KIF4A: variants seen among roughly 807,000 people sequenced by gnomAD.
The protein encoded by KIF4A is chromosome-associated kinesin KIF4A.
Under a neutral mutation model 105.9 loss-of-function variants are expected in KIF4A, and 7 were observed. That is an observed-to-expected ratio of 0.07 (90% confidence interval 0.04 to 0.12). KIF4A has a LOEUF of 0.12. KIF4A is among the 10% of genes least tolerant of loss of function. The pLI, the probability that KIF4A is intolerant of heterozygous loss-of-function variation, is 1.00. For synonymous variants in KIF4A, 281 were observed against 331.3 expected (o/e 0.85, Z 1.65); for missense variants, 558 against 929.2 (o/e 0.60, Z 5.19).
In KIF4A at chrX:70,324,122, C is replaced by A. The variant is rs185437350; in HGVS notation, c.779-5283C>A. On this transcript the variant is annotated intron_variant, in intron 7 of 30. Transcript: ENST00000374403. Reference sequence around the variant, plus strand: ...TACAGGCATGAGCCACCATACCCGACCAATATTTATATTCTTAATATAAGA... The same window carrying A: ...TACAGGCATGAGCCACCATACCCGAACAATATTTATATTCTTAATATAAGA... Among the ~76,000 whole-genome samples the A allele has an allele frequency of 2.5e-4, 28 of 111,903 alleles. No homozygotes were observed. The East Asian group carries it at 7.6e-3, about 30-fold the overall frequency.
chrX:70,384,877 C>A (rs2086211872), intron 18 of KIF4A, among the ~76,000 whole-genome samples: 2 of 106,450 alleles, frequency 1.9e-5, no homozygotes, highest in South Asian at 8.7e-4. Flanking sequence ...AGTACAATGG[C>A]ACCATCTTGG....
intron 13 of KIF4A, among the ~76,000 whole-genome samples, chrX:70,348,548 G>A (rs1244976076): frequency 9.0e-6 from 1 of 110,800 alleles, no homozygotes; most frequent in African/African-American, 3.3e-5. Context: ...AGGGAGTGAT[G>A]ATGACTCTTA....
intron 15 of KIF4A, among the ~76,000 whole-genome samples, chrX:70,366,045 T>C (rs2147713763): frequency 8.9e-6 from 1 of 111,889 alleles, no homozygotes; most frequent in South Asian, 3.7e-4. Flanking sequence ...GTGTTTATAG[T>C]ATTCTCTGAT....
At chrX:70,397,081 A>T (rs2086262200) in intron 22 of KIF4A, among the ~76,000 whole-genome samples, 1 of 106,660 alleles carries the variant, frequency 9.4e-6, no homozygotes, top group East Asian at 3.1e-4. Flanking sequence ...TCAAAAAAGT[A>T]AAAAAATGGC....
intron 5 of KIF4A, among the ~76,000 whole-genome samples, chrX:70,301,242 A>C (rs2085803353): frequency 8.9e-6 from 1 of 111,864 alleles, no homozygotes; most frequent in African/African-American, 3.2e-5. Flanking sequence ...GTAGATCATT[A>C]GAAATAAAAG....
rs1299182860 is a variant in KIF4A at position 70,371,516 on chromosome X, C to T, written c.1675-2635C>T. On this transcript the variant is annotated intron_variant, in intron 15 of 30. Coordinates refer to ENST00000374403, the MANE Select transcript of KIF4A (RefSeq NM_012310.5). Reference sequence around the variant, plus strand: ...TATACCTCCCAGACGGGGTGGTGGCCGGGCAGAAGGGCTCCTCACTTCCCA... The same window carrying T: ...TATACCTCCCAGACGGGGTGGTGGCTGGGCAGAAGGGCTCCTCACTTCCCA... 3.6e-5 allele frequency among the ~76,000 whole-genome samples: 4 copies of T among 111,489 alleles called. No individual in the cohort carries two copies. The South Asian group carries it at 1.1e-3, about 32-fold the overall frequency.
chrX:70,349,962 C>A (rs796276984), intron 13 of KIF4A, among the ~76,000 whole-genome samples: 2 of 26,591 alleles, frequency 7.5e-5, no homozygotes, highest in African/African-American at 1.5e-4. Context: ...CCTCAGTTCC[C>A]AGACGGGGCG....
chrX:70,392,631 A>T (rs2086241597), intron 20 of KIF4A, among the ~76,000 whole-genome samples: 1 of 105,750 alleles, frequency 9.5e-6, no homozygotes, highest in Non-Finnish European at 2.0e-5. Flanking sequence ...ACACATCTCT[A>T]TTTTTTTTTT....
In KIF4A at chrX:70,351,267, A is replaced by G. The variant is rs139228659; in HGVS notation, c.1432-1333A>G. On this transcript the variant is annotated intron_variant, in intron 13 of 30. Transcript: ENST00000374403. ...CCGTCACCTAAATACTGTACTTCGT[A>G]CCCAATAAGTAATTTCTCATCCCTC... 7.0e-4 allele frequency among the ~76,000 whole-genome samples: 78 copies of G among 111,811 alleles called. 1 individual carries two copies. Among genetic ancestry groups the G allele is most frequent in the African/African-American group, 2.3e-3 (72 of 30,753 alleles).
At chrX:70,295,542 G>A (rs755337242) in intron 3 of KIF4A, among the ~76,000 whole-genome samples, 10 of 110,845 alleles carry the variant, frequency 9.0e-5, no homozygotes, top group Admixed American at 1.9e-4. Context: ...AAGTGATAAC[G>A]AAAAACACAG....
intron 28 of KIF4A, among the ~76,000 whole-genome samples, chrX:70,413,882 G>A (rs2086332750): frequency 9.0e-6 from 1 of 111,112 alleles, no homozygotes; most frequent in South Asian, 3.9e-4. Flanking sequence ...AAAAGCATCA[G>A]AAGAACATTT....
intron 15 of KIF4A, among the ~76,000 whole-genome samples, chrX:70,371,124 C>T (rs2086130218): frequency 9.1e-6 from 1 of 110,210 alleles, no homozygotes; most frequent in Non-Finnish European, 1.9e-5. Context: ...ATATAATCTT[C>T]TTGGCTGCCA....
intron 15 of KIF4A, among the ~76,000 whole-genome samples, chrX:70,363,472 C>A (rs1456955576): frequency 1.8e-5 from 2 of 110,908 alleles, no homozygotes; most frequent in African/African-American, 3.3e-5. Flanking sequence ...TCAATTCCCA[C>A]CTATGAGTGA....
chrX:70,371,965 G>A (rs183175381), intron 15 of KIF4A, among the ~76,000 whole-genome samples: 5,690 of 108,078 alleles, frequency 0.053, 146 homozygotes, highest in South Asian at 0.14. Flanking sequence ...CCTCCCAGAC[G>A]GGGTCACGGC....
chrX:70,414,329 GA>G (rs1345739514), intron 28 of KIF4A, among the ~76,000 whole-genome samples: 1 of 111,342 alleles, frequency 9.0e-6, no homozygotes, highest in Admixed American at 9.6e-5. Flanking sequence ...GTTCTCATAT[GA>G]AAAAAACTTA....
chrX:70,312,294 G>A (rs2085853788), intron 7 of KIF4A, among the ~76,000 whole-genome samples: 1 of 109,494 alleles, frequency 9.1e-6, no homozygotes, highest in Non-Finnish European at 1.9e-5. Flanking sequence ...ACAGGCACAC[G>A]CCACCACGTC....
intron 7 of KIF4A, among the ~76,000 whole-genome samples, chrX:70,305,571 C>G (rs1159241595): frequency 8.9e-6 from 1 of 112,233 alleles, no homozygotes; most frequent in Non-Finnish European, 1.9e-5. Flanking sequence ...TATGGAAATA[C>G]CATGTTTTTA....
chrX:70,347,698 G>A (rs1172999592), intron 13 of KIF4A, among the ~76,000 whole-genome samples: 7 of 109,036 alleles, frequency 6.4e-5, no homozygotes, highest in South Asian at 8.2e-4. Context: ...ATTTAGGGCC[G>A]GGCGCGGTGG....
At chrX:70,417,799 C>T in intron 28 of KIF4A, 89 bp from the exon 29 acceptor site, 2 of 696,869 alleles carry the variant, frequency 2.9e-6, no homozygotes, top group Non-Finnish European at 4.3e-6. Flanking sequence ...CCATTTTTTT[C>T]TAGAAAAGCT....
Sources: allele counts gnomAD v4.1 joint callset (sites outside exome capture counted in the v4.1 genomes callset), GRCh38; gene constraint gnomAD v4.1.1; transcripts MANE v1.5; gene names NCBI Gene and HGNC (gene_info 2026-07-23, HGNC 2026-07-21).